Variants in ATP8A1 observed in about 807,000 individuals in gnomAD.
ATP8A1 encodes phospholipid-transporting ATPase IA.
Under a neutral mutation model 177.7 loss-of-function variants are expected in ATP8A1, and 90 were observed. That is an observed-to-expected ratio of 0.51 (90% CI 0.43 to 0.60). The LOEUF (loss-of-function observed/expected upper bound fraction) is 0.60. ATP8A1 is among the 20% of genes least tolerant of loss of function. ATP8A1 has a pLI of 0.00. For synonymous variants in ATP8A1, 493 were observed against 485.9 expected, an observed-to-expected ratio of 1.01 and a Z score of -0.19; for missense variants, 1,072 against 1,392.8, an observed-to-expected ratio of 0.77 and a Z score of 3.67.
chr4:42,434,477 T>G (rs1024420282), intron 33 of ATP8A1, among the ~76,000 whole-genome samples: 1 of 152,238 alleles, frequency 6.6e-6, no homozygotes, highest in Non-Finnish European at 1.5e-5. Flanking sequence ...AAAAAGCACT[T>G]AGCTAAAGAA....
intron 34 of ATP8A1, among the ~76,000 whole-genome samples, 155 bp downstream of exon 34, chr4:42,423,462 T>C (rs1714224724): frequency 6.6e-6 from 1 of 152,216 alleles, no homozygotes; most frequent in African/African-American, 2.4e-5. Flanking sequence ...ACTAGTTTTC[T>C]AGTTCCTGAA....
intron 5 of ATP8A1, among the ~76,000 whole-genome samples, chr4:42,604,056 G>A (rs879898966): frequency 2.0e-5 from 3 of 152,044 alleles, no homozygotes; most frequent in Admixed American, 6.6e-5. Context: ...CCCTCCTTAT[G>A]CCCTCTGTAG....
chr4:42,420,374 C>T (rs1292769585), intron 35 of ATP8A1, among the ~76,000 whole-genome samples: 1 of 152,194 alleles, frequency 6.6e-6, no homozygotes, highest in Non-Finnish European at 1.5e-5. Flanking sequence ...TTAGGAAAAA[C>T]TAAATAGCTA....
In ATP8A1 at chr4:42,411,571, T is replaced by A. The variant is rs926988206; in HGVS notation, c.*1345A>T. Reference sequence around the variant, plus strand: ...CTGGTTGTGGTTTTTAAACAGCCCCTTCATTTACTGTTGGTAGCAAAATAG... The same window carrying A: ...CTGGTTGTGGTTTTTAAACAGCCCCATCATTTACTGTTGGTAGCAAAATAG... On this transcript the variant is annotated 3_prime_UTR_variant, in exon 37 of 37. Transcript: ENST00000381668. The A allele has an allele frequency of 6.6e-6, 1 of 152,230 alleles. No homozygotes were observed. Among genetic ancestry groups the A allele is most frequent in the African/African-American group, 2.4e-5 (1 of 41,462 alleles). The allele number at this position is 152,230 out of a possible 1,614,324, so 9.4% of individuals were successfully genotyped here.
At chr4:42,567,145 T>C (rs1037189314) in intron 15 of ATP8A1, among the ~76,000 whole-genome samples, 18 of 152,244 alleles carry the variant, frequency 1.2e-4, no homozygotes, top group Non-Finnish European at 2.1e-4. Flanking sequence ...CCACGTAACC[T>C]TGGACACAGT....
intron 30 of ATP8A1, among the ~76,000 whole-genome samples, chr4:42,451,543 A>C (rs960997792): frequency 2.6e-5 from 4 of 152,200 alleles, no homozygotes; most frequent in African/African-American, 9.7e-5. Flanking sequence ...TCCAAGATGA[A>C]CATAAAAACA....
chr4:42,419,821 G>A (rs917134892), intron 35 of ATP8A1, among the ~76,000 whole-genome samples: 6 of 152,096 alleles, frequency 3.9e-5, no homozygotes, highest in African/African-American at 7.2e-5. Flanking sequence ...GGCCAACATA[G>A]TGAAACCCCG....
At chr4:42,478,784 T>C (rs1721355950) in intron 25 of ATP8A1, among the ~76,000 whole-genome samples, 1 of 152,160 alleles carries the variant, frequency 6.6e-6, no homozygotes, top group Non-Finnish European at 1.5e-5. Flanking sequence ...TATGTGTAAG[T>C]ATGTATTGAC....
intron 15 of ATP8A1, among the ~76,000 whole-genome samples, chr4:42,560,799 T>C (rs1420621116): frequency 6.6e-6 from 1 of 152,084 alleles, no homozygotes; most frequent in Non-Finnish European, 1.5e-5. Flanking sequence ...AAGTCTATGA[T>C]TTTCAACACA....
chr4:42,636,890 G>A (rs1739449688), intron 1 of ATP8A1, among the ~76,000 whole-genome samples: 1 of 152,214 alleles, frequency 6.6e-6, no homozygotes, highest in African/African-American at 2.4e-5. Context: ...AGACAGGAAT[G>A]AATCTGTGGT....
chr4:42,446,512 T>C, intron 31 of ATP8A1, 71 bp downstream of exon 31: 1 of 1,495,834 alleles, frequency 6.7e-7, no homozygotes, highest in Non-Finnish European at 9.2e-7. Context: ...ACGTTTAAAT[T>C]TAAAAATAAA....
At chr4:42,514,941 T>C (rs897709001) in intron 22 of ATP8A1, among the ~76,000 whole-genome samples, 2 of 152,252 alleles carry the variant, frequency 1.3e-5, no homozygotes, top group Non-Finnish European at 2.9e-5. Flanking sequence ...AAATGTTGAA[T>C]ACGTACTTAT....
Position 42,625,611 on chromosome 4 carries a change from T to C in ATP8A1, c.264+3A>G. The C allele has an allele frequency of 6.3e-7, 1 of 1,580,698 alleles. No homozygotes were observed. The highest frequency in any genetic ancestry group is 8.6e-7 in the Non-Finnish European group (1 of 1,157,338). ...TTGACAAGGTTTTATGACGTGACTT[T>C]ACCTGCAGCAGTGCAATAAAGAGAA... On this transcript the variant is annotated splice_donor_region_variant and intron_variant, in intron 3 of 36. Transcript: ENST00000381668.
chr4:42,566,966 G>A (rs966550457), intron 15 of ATP8A1, among the ~76,000 whole-genome samples: 2 of 152,212 alleles, frequency 1.3e-5, no homozygotes, highest in Non-Finnish European at 2.9e-5. Flanking sequence ...TACACAAACA[G>A]AGCTCATCTA....
At chr4:42,467,911 T>C (rs1368298214) in intron 25 of ATP8A1, among the ~76,000 whole-genome samples, 5 of 152,212 alleles carry the variant, frequency 3.3e-5, no homozygotes, top group Admixed American at 6.5e-5. Context: ...TGTTCTTTGT[T>C]GGATATACAG....
At chr4:42,639,814 TA>T (rs1739781742) in intron 1 of ATP8A1, among the ~76,000 whole-genome samples, 1 of 152,202 alleles carries the variant, frequency 6.6e-6, no homozygotes, top group Non-Finnish European at 1.5e-5. Context: ...CAAGACCCCT[TA>T]CCAAATCTGC....
At chr4:42,425,444 C>T (rs958780027) in intron 33 of ATP8A1, among the ~76,000 whole-genome samples, 3 of 152,062 alleles carry the variant, frequency 2.0e-5, no homozygotes, top group South Asian at 4.1e-4. Context: ...AGTTTTTCTG[C>T]GTCATATCTG....
chr4:42,639,882 C>T (rs1739791221), intron 1 of ATP8A1, among the ~76,000 whole-genome samples: 1 of 152,188 alleles, frequency 6.6e-6, no homozygotes, highest in South Asian at 2.1e-4. Context: ...CTACACACAT[C>T]CTCTTGTATA....
intron 29 of ATP8A1, among the ~76,000 whole-genome samples, chr4:42,452,530 C>A (rs528838417): frequency 6.6e-6 from 1 of 152,240 alleles, no homozygotes; most frequent in South Asian, 2.1e-4. Flanking sequence ...CTATACTATT[C>A]TCTGCAGGGT....
Sources: allele counts gnomAD v4.1 joint callset (sites outside exome capture counted in the v4.1 genomes callset), GRCh38; gene constraint gnomAD v4.1.1; transcripts MANE v1.5; gene names NCBI Gene and HGNC (gene_info 2026-07-23, HGNC 2026-07-21).